IMMP2L: variants seen among roughly 807,000 people sequenced by gnomAD.
The protein encoded by IMMP2L is inner mitochondrial membrane peptidase subunit 2, also known as mitochondrial inner membrane protease subunit 2.
Under a neutral mutation model 19.3 loss-of-function variants are expected in IMMP2L, and 18 were observed. That is an observed-to-expected ratio of 0.93 (90% CI 0.64 to 1.38). The LOEUF (loss-of-function observed/expected upper bound fraction) is 1.38, where lower values mean the gene tolerates loss of function less well. Among genes scored for constraint, IMMP2L ranks in the 40% most tolerant of loss-of-function variants. The pLI, the probability that IMMP2L is intolerant of heterozygous loss-of-function variation, is 0.00. For missense variants in IMMP2L, 233 were observed against 218.2 expected (o/e 1.07, Z -0.43); for synonymous variants, 76 against 73.0 (o/e 1.04, Z -0.21).
At chr7:110,971,482 G>T (rs1820138208) in intron 3 of IMMP2L, among the ~76,000 whole-genome samples, 1 of 152,068 alleles carries the variant, frequency 6.6e-6, no homozygotes, top group African/African-American at 2.4e-5. Context: ...CCATCCCATG[G>T]ATGCCAGCAA....
intron 5 of IMMP2L, among the ~76,000 whole-genome samples, chr7:110,772,006 C>A (rs6947424): frequency 9.3e-4 from 141 of 152,220 alleles, no homozygotes; most frequent in African/African-American, 3.3e-3. Context: ...ATCCTGGGAT[C>A]GGGGCTTTCT....
Position 110,962,769 on chromosome 7 carries a change from A to G in IMMP2L, c.305+731T>C, listed in dbSNP as rs116502333. Reference sequence around the variant, plus strand: ...AATATGTGTACTATCATTAATACAAATACTTTAGGATCAAGTTTTTTTAGA... The same window carrying G: ...AATATGTGTACTATCATTAATACAAGTACTTTAGGATCAAGTTTTTTTAGA... On this transcript the variant is annotated intron_variant, in intron 4 of 5. Transcript: ENST00000405709. 955 of 1,124,498 alleles carry G rather than the reference A, an allele frequency of 8.5e-4. 9 individuals carry two copies. In the African/African-American group the frequency reaches 0.015, roughly 17 times the overall value. The allele number at this position is 1,124,498 out of a possible 1,614,324, so 69.7% of individuals were successfully genotyped here.
At chr7:111,043,924 G>T (rs972420264) in intron 3 of IMMP2L, among the ~76,000 whole-genome samples, 1 of 152,158 alleles carries the variant, frequency 6.6e-6, no homozygotes, top group African/African-American at 2.4e-5. Flanking sequence ...TCAGTAAAGG[G>T]ATTTGATAGG....
At chr7:110,929,979 A>G (rs1195291860) in intron 4 of IMMP2L, among the ~76,000 whole-genome samples, 1 of 152,170 alleles carries the variant, frequency 6.6e-6, no homozygotes, top group Non-Finnish European at 1.5e-5. Context: ...GTCAAGAGAC[A>G]AATTTATCAG....
intron 1 of IMMP2L, among the ~76,000 whole-genome samples, chr7:111,535,139 T>C (rs1270561398): frequency 2.0e-5 from 3 of 152,276 alleles, no homozygotes; most frequent in African/African-American, 7.2e-5. Context: ...ATTTTCTTTA[T>C]AAGCCCTAAA....
intron 1 of IMMP2L, among the ~76,000 whole-genome samples, chr7:111,541,794 C>A (rs764097932): frequency 3.3e-5 from 5 of 152,016 alleles, no homozygotes; most frequent in Non-Finnish European, 4.4e-5. Context: ...AATAAAGTTT[C>A]TCAGAACCTA....
chr7:111,466,190 G>A (rs1283230114), intron 3 of IMMP2L, among the ~76,000 whole-genome samples: 3 of 152,100 alleles, frequency 2.0e-5, no homozygotes, highest in East Asian at 1.9e-4. Flanking sequence ...TGGAGGGAGC[G>A]GGGAGGGATA....
chr7:111,552,214 C>T (rs1486274669), intron 1 of IMMP2L, among the ~76,000 whole-genome samples: 1 of 152,134 alleles, frequency 6.6e-6, no homozygotes, highest in Admixed American at 6.6e-5. Context: ...TGTCATAATG[C>T]TAACATGGCA....
chr7:110,936,597 TGGTG>T (rs1816136479), intron 4 of IMMP2L, among the ~76,000 whole-genome samples: 2 of 152,190 alleles, frequency 1.3e-5, no homozygotes, highest in Admixed American at 6.5e-5. Context: ...TTTACACTGT[TGGTG>T]GGAGTGTAAA....
chr7:110,951,502 T>C (rs1817828688), intron 4 of IMMP2L, among the ~76,000 whole-genome samples: 3 of 152,010 alleles, frequency 2.0e-5, no homozygotes, highest in Admixed American at 2.0e-4. Flanking sequence ...GTTCATTGTG[T>C]GTTAAAGCTC....
chr7:110,954,107 T>C (rs561742238), intron 4 of IMMP2L, among the ~76,000 whole-genome samples: 1 of 152,210 alleles, frequency 6.6e-6, no homozygotes, highest in South Asian at 2.1e-4. Context: ...ATGAGACCTT[T>C]TCTTTTTATG....
intron 3 of IMMP2L, among the ~76,000 whole-genome samples, chr7:111,226,611 A>C (rs1332063141): frequency 6.6e-6 from 1 of 152,124 alleles, no homozygotes; most frequent in Non-Finnish European, 1.5e-5. Flanking sequence ...AATGATGATC[A>C]ATTCAACTAC....
chr7:110,985,930 A>G (rs1230207630), intron 3 of IMMP2L, among the ~76,000 whole-genome samples: 1 of 152,222 alleles, frequency 6.6e-6, no homozygotes, highest in Non-Finnish European at 1.5e-5. Context: ...TAATTTAATA[A>G]GAATACAGCT....
chr7:110,666,296 A>G (rs1791449430), intron 5 of IMMP2L, among the ~76,000 whole-genome samples: 1 of 151,922 alleles, frequency 6.6e-6, no homozygotes, highest in South Asian at 2.1e-4. Flanking sequence ...TGCTTTTGAG[A>G]CAGAGTCTCA....
chr7:111,505,654 GT>G (rs1844812109), intron 2 of IMMP2L, among the ~76,000 whole-genome samples: 5 of 152,112 alleles, frequency 3.3e-5, no homozygotes, highest in African/African-American at 4.8e-5. Context: ...AAAATGATGA[GT>G]TCATGTCCTT....
intron 3 of IMMP2L, among the ~76,000 whole-genome samples, chr7:111,350,376 C>T (rs1042101360): frequency 6.6e-6 from 1 of 150,866 alleles, no homozygotes; most frequent in South Asian, 2.1e-4. Context: ...TATAGTTGGA[C>T]TTATCTTTAT....
intron 1 of IMMP2L, among the ~76,000 whole-genome samples, chr7:111,559,663 T>G (rs1791790143): frequency 6.6e-6 from 1 of 152,126 alleles, no homozygotes; most frequent in Non-Finnish European, 1.5e-5. Flanking sequence ...CTTTCCACAA[T>G]CAAAAGGAAG....
intron 1 of IMMP2L, among the ~76,000 whole-genome samples, chr7:111,526,817 T>TG (rs1846912283): frequency 6.6e-6 from 1 of 152,186 alleles, no homozygotes; most frequent in East Asian, 1.9e-4. Flanking sequence ...CCTGCATGCA[T>TG]GGACCTTCAC....
chr7:111,243,392 T>C (rs549276042), intron 3 of IMMP2L, among the ~76,000 whole-genome samples: 225 of 152,238 alleles, frequency 1.5e-3, no homozygotes, highest in Non-Finnish European at 2.7e-3. Context: ...AAATTTTATA[T>C]TCTTGCATGG....
Sources: allele counts gnomAD v4.1 joint callset (sites outside exome capture counted in the v4.1 genomes callset), GRCh38; gene constraint gnomAD v4.1.1; transcripts MANE v1.5; gene names NCBI Gene and HGNC (gene_info 2026-07-23, HGNC 2026-07-21).